The following PACSIN2 variants were observed in gnomAD, a reference collection of about 807,000 sequenced individuals.
PACSIN2 encodes the protein protein kinase C and casein kinase substrate in neurons protein 2.
PACSIN2 carries 25 observed loss-of-function variants against 63.8 expected under a neutral mutation model. That is an observed-to-expected ratio of 0.39 (90% CI 0.29 to 0.55). The LOEUF (loss-of-function observed/expected upper bound fraction) is 0.55. Among genes scored for constraint, PACSIN2 ranks in the 20% least tolerant of loss-of-function variants. PACSIN2 has a pLI of 0.62. For missense variants in PACSIN2, 518 were observed against 646.9 expected (o/e 0.80, Z 2.16); for synonymous variants, 255 against 256.2 (o/e 1.00, Z 0.05).
chr22:42,984,612 A>C (rs752183386), intron 1 of PACSIN2, among the ~76,000 whole-genome samples: 16 of 152,186 alleles, frequency 1.1e-4, no homozygotes, highest in Non-Finnish European at 1.6e-4. Context: ...TTCCTGGTGC[A>C]AAAACTACTC....
intron 1 of PACSIN2, among the ~76,000 whole-genome samples, chr22:42,920,726 G>C (rs1035119051): frequency 6.0e-5 from 9 of 151,172 alleles, no homozygotes; most frequent in African/African-American, 2.2e-4. Context: ...GGAACGCCAA[G>C]CTCAGGGTTG....
At chr22:42,981,354 G>A (rs1449306564) in intron 1 of PACSIN2, among the ~76,000 whole-genome samples, 2 of 143,840 alleles carry the variant, frequency 1.4e-5, no homozygotes, top group African/African-American at 2.7e-5. Flanking sequence ...GAGGGAGGTG[G>A]GGGGGGTCAG....
In PACSIN2 at chr22:42,871,336, CGCTGGCCTGTCCCCGA is replaced by C; in HGVS notation, c.*5_*20del. 1 of 1,548,532 alleles carries C rather than the reference CGCTGGCCTGTCCCCGA, an allele frequency of 6.5e-7. No homozygotes were observed. Among genetic ancestry groups the C allele is most frequent in the Non-Finnish European group, 8.9e-7 (1 of 1,120,156 alleles). On this transcript the variant is annotated 3_prime_UTR_variant, in exon 11 of 11. Coordinates refer to ENST00000263246, the MANE Select transcript of PACSIN2 (RefSeq NM_001184970.3). The surrounding 1 kb of genome is among the most constrained non-coding windows in gnomAD (Gnocchi z 5.4). Reference sequence around the variant, plus strand: ...CCTGGGCCCGCCGCCTCCGTCCCCCCGCTGGCCTGTCCCCGACTCATCACTGGATCGCCTCCACATA... The same window carrying C: ...CCTGGGCCCGCCGCCTCCGTCCCCCCCTCATCACTGGATCGCCTCCACATA...
At chr22:42,945,853 G>A (rs945410212) in intron 1 of PACSIN2, 7 of 152,420 alleles carry the variant, frequency 4.6e-5, no homozygotes, top group African/African-American at 1.7e-4. Flanking sequence ...TACCATGGTG[G>A]TTGGAATGTC....
intron 1 of PACSIN2, among the ~76,000 whole-genome samples, chr22:42,987,781 A>G (rs573866785): frequency 1.3e-5 from 2 of 151,148 alleles, no homozygotes; most frequent in African/African-American, 4.9e-5. Flanking sequence ...TCATCTACCC[A>G]CCTCCGCCTC....
intron 1 of PACSIN2, among the ~76,000 whole-genome samples, chr22:42,955,517 T>C (rs1933879923): frequency 6.6e-6 from 1 of 152,172 alleles, no homozygotes; most frequent in South Asian, 2.1e-4. Flanking sequence ...AAGTACAGTT[T>C]ACATAGCCTC....
chr22:42,981,528 G>A (rs1224563809), intron 1 of PACSIN2, among the ~76,000 whole-genome samples: 11 of 99,050 alleles, frequency 1.1e-4, no homozygotes, highest in South Asian at 3.6e-4. Flanking sequence ...AGGTGGGGGG[G>A]TCAGCCCCCC....
At chr22:42,992,838 A>C (rs1393227526) in intron 1 of PACSIN2, among the ~76,000 whole-genome samples, 1 of 152,218 alleles carries the variant, frequency 6.6e-6, no homozygotes, top group East Asian at 1.9e-4. Context: ...TGAGTGAAAG[A>C]AGCCAGACTA....
intron 1 of PACSIN2, among the ~76,000 whole-genome samples, chr22:42,916,848 G>A (rs1353026264): frequency 1.3e-5 from 2 of 152,200 alleles, no homozygotes; most frequent in African/African-American, 4.8e-5. Flanking sequence ...CCCTAAAAGT[G>A]ATAGCCATTG....
At chr22:42,971,391 A>G (rs1320284335) in intron 1 of PACSIN2, among the ~76,000 whole-genome samples, 1 of 152,052 alleles carries the variant, frequency 6.6e-6, no homozygotes, top group African/African-American at 2.4e-5. Flanking sequence ...TCAGTGCTCT[A>G]TGTTGCCCAG....
chr22:42,909,243 T>C (rs1931289358), intron 2 of PACSIN2, among the ~76,000 whole-genome samples: 1 of 152,180 alleles, frequency 6.6e-6, no homozygotes, highest in African/African-American at 2.4e-5. Flanking sequence ...TTCCTCCAAA[T>C]GTCACAGCCA....
chr22:42,877,115 G>A, intron 8 of PACSIN2, 105 bp from the exon 9 acceptor site: 1 of 1,236,886 alleles, frequency 8.1e-7, no homozygotes, highest in Non-Finnish European at 1.2e-6. Flanking sequence ...AGCTCCTCCT[G>A]TGACCGGAGG....
chr22:43,013,011 C>CTT (rs1168304822), intron 1 of PACSIN2, among the ~76,000 whole-genome samples: 2 of 152,146 alleles, frequency 1.3e-5, no homozygotes. Context: ...AGGCTGGTCT[C>CTT]TAAGTTCTGA....
At chr22:42,991,650 A>T (rs1372952070) in intron 1 of PACSIN2, among the ~76,000 whole-genome samples, 4 of 152,194 alleles carry the variant, frequency 2.6e-5, no homozygotes, top group Non-Finnish European at 5.9e-5. Flanking sequence ...GATAAAGAGA[A>T]AGCCATGCCA....
At chr22:42,892,394 G>A (rs1183637078) in intron 3 of PACSIN2, among the ~76,000 whole-genome samples, 2 of 152,176 alleles carry the variant, frequency 1.3e-5, no homozygotes, top group Admixed American at 6.5e-5. Context: ...GAACAGCCCC[G>A]GAAGTTGGAC....
intron 1 of PACSIN2, among the ~76,000 whole-genome samples, chr22:42,915,890 C>G (rs4822226): frequency 0.13 from 19,332 of 152,122 alleles, 1,674 homozygotes; most frequent in Non-Finnish European, 0.19. Context: ...CAAAGATATC[C>G]GAAGCCCTAA....
chr22:42,877,596 G>A (rs1017960648), intron 8 of PACSIN2, among the ~76,000 whole-genome samples: 1 of 152,208 alleles, frequency 6.6e-6, no homozygotes, highest in Non-Finnish European at 1.5e-5. Context: ...AGATTCCTTT[G>A]GTGCTCCAGA....
chr22:42,979,423 C>A (rs1263839873), intron 1 of PACSIN2, among the ~76,000 whole-genome samples: 2 of 148,198 alleles, frequency 1.3e-5, no homozygotes, highest in African/African-American at 2.5e-5. Flanking sequence ...ACTCCAAAGG[C>A]TGAGGCATGG....
intron 1 of PACSIN2, among the ~76,000 whole-genome samples, chr22:42,927,555 TTTTATTTA>T (rs574629308): frequency 6.8e-6 from 1 of 147,652 alleles, no homozygotes; most frequent in Non-Finnish European, 1.5e-5. Flanking sequence ...GGCCCCAGTC[TTTTATTTA>T]TTTATTTATT....
Sources: allele counts gnomAD v4.1 joint callset (sites outside exome capture counted in the v4.1 genomes callset), GRCh38; gene constraint gnomAD v4.1.1; non-coding constraint Gnocchi (gnomAD v3.1); transcripts MANE v1.5; gene names NCBI Gene and HGNC (gene_info 2026-07-23, HGNC 2026-07-21).